The following DPH6 variants were observed in gnomAD, a reference collection of about 807,000 sequenced individuals.
DPH6 encodes diphthine--ammonia ligase.
In DPH6, 33 loss-of-function variants were observed where a neutral mutation model predicts 38.2. The observed-to-expected ratio is 0.86, with a 90% confidence interval of 0.65 to 1.15. The LOEUF (loss-of-function observed/expected upper bound fraction) is 1.15. Ranked by LOEUF, DPH6 falls within the 50% of genes most tolerant of loss-of-function variation. The probability of loss-of-function intolerance (pLI) is 0.00; values close to 1 mark genes in which losing one functional copy is unlikely to be tolerated. For synonymous variants in DPH6, 108 were observed against 103.0 expected (o/e 1.05, Z -0.30); for missense variants, 325 against 320.0 (o/e 1.02, Z -0.12).
chr15:35,210,194 A>G, the DPH6 span, among the ~76,000 whole-genome samples: 1 of 152,176 alleles, frequency 6.6e-6, no homozygotes, highest in African/African-American at 2.4e-5. Flanking sequence ...AGGAAAGGGA[A>G]ATTAAGGACT....
intron 3 of DPH6, among the ~76,000 whole-genome samples, chr15:35,284,518 T>C (rs1358291670): frequency 1.3e-5 from 2 of 150,536 alleles, no homozygotes; most frequent in Non-Finnish European, 3.0e-5. Context: ...GCACTTACTG[T>C]TTTATTTATT....
At chr15:35,146,039 G>C in the DPH6 span, among the ~76,000 whole-genome samples, 3,188 of 151,096 alleles carry the variant, frequency 0.021, 72 homozygotes, top group Non-Finnish European at 0.034. Context: ...GGTATATAAA[G>C]GTTAGATAAA....
chr15:35,289,525 T>A (rs903188657), intron 3 of DPH6, among the ~76,000 whole-genome samples: 1 of 152,086 alleles, frequency 6.6e-6, no homozygotes, highest in Non-Finnish European at 1.5e-5. Flanking sequence ...CTGCCTTCAA[T>A]AAATAAAAAA....
chr15:35,369,658 T>C (rs1036997807), downstream of DPH6, among the ~76,000 whole-genome samples: 2 of 149,356 alleles, frequency 1.3e-5, no homozygotes, highest in African/African-American at 2.5e-5. Flanking sequence ...TAGTCCTAAT[T>C]GAGCCAACAT....
At chr15:35,204,839 G>T in the DPH6 span, among the ~76,000 whole-genome samples, 1,021 of 151,992 alleles carry the variant, frequency 6.7e-3, 18 homozygotes, top group African/African-American at 0.023. Flanking sequence ...AGTTGCCTGC[G>T]AGGAAGTTTT....
At chr15:35,370,843 T>C (rs925294188), downstream of DPH6, 1 of 151,690 alleles carries the variant, frequency 6.6e-6, no homozygotes, top group Non-Finnish European at 1.5e-5. Flanking sequence ...TTGGTATTTA[T>C]ACACCTGAAA....
chr15:35,382,020 C>A, intron 6 of DPH6, 104 bp from the exon 7 acceptor site: 1 of 809,678 alleles, frequency 1.2e-6, no homozygotes, highest in Non-Finnish European at 2.0e-6. Flanking sequence ...ACTTTAATTC[C>A]AAAATAGTTT....
intron 3 of DPH6, among the ~76,000 whole-genome samples, chr15:35,502,713 G>A (rs1388130739): frequency 6.6e-6 from 1 of 151,440 alleles, no homozygotes; most frequent in Non-Finnish European, 1.5e-5. Context: ...CAACTTATAT[G>A]CAATAAAGAA....
At position 35,228,306 on chromosome 15, in the gene DPH6, A is replaced by T. The variant is rs536423090; in HGVS notation, n.201-7724T>A. On this transcript the variant is annotated intron_variant and non_coding_transcript_variant, in intron 3 of 3. Coordinates refer to the DPH6 transcript ENST00000560386. ...CATGTCTTGAAAAGTTGTTGTAGTCATTATTTTAGATTGGTTCATTGTTTA... is the reference window on the plus strand; with the variant it reads ...CATGTCTTGAAAAGTTGTTGTAGTCTTTATTTTAGATTGGTTCATTGTTTA... 5.3e-5 allele frequency among the ~76,000 whole-genome samples: 8 copies of T among 152,322 alleles called. No homozygotes were observed. The South Asian group carries it at 1.7e-3, about 32-fold the overall frequency.
chr15:35,271,709 T>C (rs1453726621), intron 3 of DPH6, among the ~76,000 whole-genome samples: 2 of 152,210 alleles, frequency 1.3e-5, no homozygotes, highest in Non-Finnish European at 2.9e-5. Flanking sequence ...GGATTGAGAA[T>C]TGAAACATGG....
At chr15:35,529,278 C>T (rs1374709327) in intron 3 of DPH6, among the ~76,000 whole-genome samples, 5 of 152,194 alleles carry the variant, frequency 3.3e-5, no homozygotes, top group East Asian at 1.9e-4. Flanking sequence ...TGGCAGAAGT[C>T]GAAAGAAAAG....
At chr15:35,190,603 T>C in the DPH6 span, among the ~76,000 whole-genome samples, 1 of 152,240 alleles carries the variant, frequency 6.6e-6, no homozygotes, top group Non-Finnish European at 1.5e-5. Context: ...GTTTAGGGTG[T>C]TTCAGAATCT....
At chr15:35,524,959 A>G (rs1202744101) in intron 3 of DPH6, among the ~76,000 whole-genome samples, 1 of 152,216 alleles carries the variant, frequency 6.6e-6, no homozygotes, top group African/African-American at 2.4e-5. Context: ...TATTTGATAT[A>G]AAAATCCTTC....
intron 3 of DPH6, among the ~76,000 whole-genome samples, chr15:35,503,024 T>C (rs1398148745): frequency 6.6e-6 from 1 of 150,756 alleles, no homozygotes; most frequent in East Asian, 1.9e-4. Context: ...GACTGCATCA[T>C]TTGTTATTTC....
chr15:35,261,765 C>A (rs982297641), intron 3 of DPH6, among the ~76,000 whole-genome samples: 2 of 150,940 alleles, frequency 1.3e-5, no homozygotes, highest in South Asian at 4.2e-4. Context: ...CCCAGGAGGT[C>A]GAGGCTTCAG....
At chr15:35,520,771 C>T in intron 3 of DPH6, 1 of 983,906 alleles carries the variant, frequency 1.0e-6, no homozygotes, top group Middle Eastern at 5.2e-4. Context: ...AAAAAAAAAT[C>T]CTCCATTAAT....
intron 3 of DPH6, among the ~76,000 whole-genome samples, chr15:35,271,265 C>T (rs1439110128): frequency 1.3e-5 from 2 of 152,168 alleles, no homozygotes; most frequent in African/African-American, 4.8e-5. Context: ...AACAAACACA[C>T]AAACAGGCAT....
At chr15:35,401,850 A>G in intron 6 of DPH6, 1 of 513,966 alleles carries the variant, frequency 1.9e-6, no homozygotes, top group South Asian at 1.6e-5. Flanking sequence ...CAGATTTGTG[A>G]ACTCAGTCAA....
At chr15:35,384,061 T>C (rs2052908658) in intron 6 of DPH6, among the ~76,000 whole-genome samples, 1 of 152,206 alleles carries the variant, frequency 6.6e-6, no homozygotes, top group South Asian at 2.1e-4. Flanking sequence ...AAGTTAGTAG[T>C]ACTAATATTT....
Sources: gnomAD v4.1 joint callset for allele counts (sites outside exome capture counted in the v4.1 genomes callset) on GRCh38, gnomAD v4.1.1 for gene constraint, MANE v1.5 for transcripts, NCBI Gene and HGNC (gene_info 2026-07-23, HGNC 2026-07-21) for gene names.